The following PTPRD variants were observed in gnomAD, a reference collection of about 807,000 sequenced individuals.
The protein encoded by PTPRD is receptor-type tyrosine-protein phosphatase delta.
Under a neutral mutation model 214.5 loss-of-function variants are expected in PTPRD, and 34 were observed. The observed-to-expected ratio is 0.16, with a 90% confidence interval of 0.12 to 0.21. The LOEUF (loss-of-function observed/expected upper bound fraction) is 0.21, where lower values mean the gene tolerates loss of function less well. Among genes scored for constraint, PTPRD ranks in the 10% least tolerant of loss-of-function variants. The pLI, the probability that PTPRD is intolerant of heterozygous loss-of-function variation, is 1.00. For missense variants in PTPRD, 2,545 were observed against 2,398.7 expected, an observed-to-expected ratio of 1.06 and a Z score of -1.27; for synonymous variants, 1,128 against 845.7, an observed-to-expected ratio of 1.33 and a Z score of -5.79.
intron 11 of PTPRD, among the ~76,000 whole-genome samples, chr9:8,831,344 T>C (rs2097286713): frequency 6.6e-6 from 1 of 152,170 alleles, no homozygotes; most frequent in Admixed American, 6.6e-5. Flanking sequence ...TTTAAAACAA[T>C]CTCGCTTACT....
intron 7 of PTPRD, among the ~76,000 whole-genome samples, chr9:9,651,869 C>G (rs1447934068): frequency 2.6e-5 from 3 of 115,522 alleles, no homozygotes. Flanking sequence ...GAGTCTCGCT[C>G]TGTCACCCAG....
chr9:9,391,292 AT>A (rs1196776979), intron 9 of PTPRD, among the ~76,000 whole-genome samples: 7 of 152,158 alleles, frequency 4.6e-5, no homozygotes, highest in African/African-American at 1.7e-4. Flanking sequence ...AACTACTCTG[AT>A]TTTTAAATGA....
chr9:9,908,365 T>C (rs756844879), intron 5 of PTPRD, among the ~76,000 whole-genome samples: 4 of 151,940 alleles, frequency 2.6e-5, no homozygotes, highest in African/African-American at 9.7e-5. Flanking sequence ...AACTGGAACA[T>C]GTGAACAGGT....
intron 10 of PTPRD, among the ~76,000 whole-genome samples, chr9:9,168,467 G>A (rs1471824129): frequency 2.0e-5 from 3 of 151,278 alleles, no homozygotes; most frequent in Non-Finnish European, 4.4e-5. Context: ...ATTTCTTTTT[G>A]AAATACAATG....
chr9:8,695,710 C>G (rs1250337021), intron 12 of PTPRD, among the ~76,000 whole-genome samples: 1 of 152,170 alleles, frequency 6.6e-6, no homozygotes, highest in Non-Finnish European at 1.5e-5. Context: ...AAGGCAGAAG[C>G]TCCTAGAAAA....
chr9:8,990,873 A>G (rs1211626916), intron 11 of PTPRD, among the ~76,000 whole-genome samples: 2 of 152,030 alleles, frequency 1.3e-5, no homozygotes, highest in Non-Finnish European at 2.9e-5. Context: ...TTTTGGTCCA[A>G]GCACATTGCT....
At chr9:8,910,943 T>G (rs550840315) in intron 11 of PTPRD, among the ~76,000 whole-genome samples, 1 of 152,154 alleles carries the variant, frequency 6.6e-6, no homozygotes, top group Non-Finnish European at 1.5e-5. Context: ...CTGAAAGATA[T>G]TAAGAACATA....
chr9:8,678,604 A>C (rs1235952500), intron 12 of PTPRD, among the ~76,000 whole-genome samples: 1 of 152,202 alleles, frequency 6.6e-6, no homozygotes, highest in Non-Finnish European at 1.5e-5. Context: ...ATTTTGGCCC[A>C]TATTTGCTTT....
intron 5 of PTPRD, among the ~76,000 whole-genome samples, chr9:9,808,659 T>C (rs561382521): frequency 6.6e-6 from 1 of 152,310 alleles, no homozygotes; most frequent in South Asian, 2.1e-4. Context: ...GTTTAAAAGA[T>C]AATGTCTGCC....
intron 9 of PTPRD, among the ~76,000 whole-genome samples, chr9:9,366,755 AAG>A (rs1176163211): frequency 6.6e-6 from 1 of 151,582 alleles, no homozygotes; most frequent in Non-Finnish European, 1.5e-5. Context: ...CCGAGTAAAA[AAG>A]AGGTTACAAA....
chr9:8,507,828 C>G (rs1002607471), intron 21 of PTPRD, among the ~76,000 whole-genome samples: 5 of 152,276 alleles, frequency 3.3e-5, no homozygotes, highest in Admixed American at 1.3e-4. Context: ...TTATTTACAA[C>G]TGAGTAGGAA....
At chr9:10,431,921 C>A (rs571089235) in intron 2 of PTPRD, among the ~76,000 whole-genome samples, 2 of 152,110 alleles carry the variant, frequency 1.3e-5, no homozygotes, top group African/African-American at 2.4e-5. Flanking sequence ...TTTGACCCAG[C>A]CATCCATTAC....
rs137856421 is a variant in PTPRD, at chr9:8,937,156, G to A, written c.-104+81541C>T. Reference sequence around the variant, plus strand: ...GATTAGCTATATTGTGTTGAGTAACGTTTTCTTAAAAAGTCTCCAAACAAT... The same window carrying A: ...GATTAGCTATATTGTGTTGAGTAACATTTTCTTAAAAAGTCTCCAAACAAT... On this transcript the variant is annotated intron_variant, in intron 11 of 45. Transcript: ENST00000381196. Among the ~76,000 whole-genome samples, 243 of 152,102 alleles carry A rather than the reference G, an allele frequency of 1.6e-3. No homozygotes were observed. In the East Asian group the frequency reaches 0.017, roughly 11 times the overall value.
At chr9:8,848,140 A>G (rs1178968563) in intron 11 of PTPRD, among the ~76,000 whole-genome samples, 1 of 151,972 alleles carries the variant, frequency 6.6e-6, no homozygotes, top group African/African-American at 2.4e-5. Context: ...GCAGAATAGG[A>G]TAAAATTTTA....
intron 12 of PTPRD, among the ~76,000 whole-genome samples, chr9:8,653,120 T>C (rs2096845374): frequency 6.6e-6 from 1 of 152,148 alleles, no homozygotes; most frequent in Admixed American, 6.5e-5. Context: ...CCTTTTGAGA[T>C]GGATCTAAAA....
intron 35 of PTPRD, among the ~76,000 whole-genome samples, chr9:8,423,820 C>CT (rs367969427): frequency 2.6e-5 from 4 of 151,376 alleles, no homozygotes; most frequent in South Asian, 2.1e-4. Context: ...CAACCATCTG[C>CT]TTTTTTTTTC....
chr9:8,806,032 T>C (rs112884119), intron 11 of PTPRD, among the ~76,000 whole-genome samples: 20,438 of 147,496 alleles, frequency 0.14, 1,625 homozygotes, highest in East Asian at 0.36. Flanking sequence ...AAAGAAATTC[T>C]CCTGCCTCAG....
chr9:9,452,829 C>T (rs890336329), intron 8 of PTPRD, among the ~76,000 whole-genome samples: 1 of 151,432 alleles, frequency 6.6e-6, no homozygotes, highest in Non-Finnish European at 1.5e-5. Flanking sequence ...TTAAAGAACA[C>T]TAAGCTATTT....
At chr9:9,354,347 A>G (rs1418592607) in intron 9 of PTPRD, among the ~76,000 whole-genome samples, 6 of 151,822 alleles carry the variant, frequency 4.0e-5, no homozygotes, top group Non-Finnish European at 7.4e-5. Context: ...TCTTACTAAA[A>G]TACATCTCAG....
Sources: gnomAD v4.1 joint callset for allele counts (sites outside exome capture counted in the v4.1 genomes callset) on GRCh38, gnomAD v4.1.1 for gene constraint, MANE v1.5 for transcripts, NCBI Gene and HGNC (gene_info 2026-07-23, HGNC 2026-07-21) for gene names.